The following MAGED1 variants were observed in gnomAD, a reference collection of about 807,000 sequenced individuals.
MAGED1 encodes the protein MAGE family member D1.
MAGED1 carries 3 observed loss-of-function variants against 54.1 expected under a neutral mutation model. That is an observed-to-expected ratio of 0.06 (90% CI 0.03 to 0.14). The LOEUF (loss-of-function observed/expected upper bound fraction) is 0.14. Ranked by LOEUF, MAGED1 falls within the 10% of genes least tolerant of loss-of-function variation. MAGED1 has a pLI of 1.00. For synonymous variants in MAGED1, 217 were observed against 227.3 expected, an observed-to-expected ratio of 0.95 and a Z score of 0.41; for missense variants, 485 against 623.4, an observed-to-expected ratio of 0.78 and a Z score of 2.36.
At chrX:51,849,972 G>A (rs189332893) in intron 1 of MAGED1, among the ~76,000 whole-genome samples, 5 of 110,202 alleles carry the variant, frequency 4.5e-5, no homozygotes, top group East Asian at 2.9e-4. Context: ...TTGCTCTGTC[G>A]CCCAGGCTGG....
At chrX:51,861,710 G>A (rs1434101950) in intron 1 of MAGED1, among the ~76,000 whole-genome samples, 3 of 111,588 alleles carry the variant, frequency 2.7e-5, no homozygotes, top group Non-Finnish European at 5.6e-5. Context: ...TTGAGGCAGA[G>A]TCTTGCCCTG....
chrX:51,827,587 T>C (rs1441261814), intron 1 of MAGED1, among the ~76,000 whole-genome samples: 1 of 112,003 alleles, frequency 8.9e-6, no homozygotes, highest in African/African-American at 3.2e-5. Context: ...ATAACAAATA[T>C]ACATACCCTT....
chrX:51,883,153 G>A lies in MAGED1; in HGVS notation c.-36-11116G>A, dbSNP rs782711165. 1.1e-4 allele frequency among the ~76,000 whole-genome samples: 12 copies of A among 111,112 alleles called. 1 individual carries two copies. In the South Asian group the frequency reaches 4.7e-3, roughly 43 times the overall value. ...AGAGTGGTAAGATGAATGGGGAGTG[G>A]GAACATTCTAGTCCCCTCAGTTAGT... On this transcript the variant is annotated intron_variant, in intron 1 of 12. Transcript: ENST00000375772.
At chrX:51,850,878 C>T (rs1437408862) in intron 1 of MAGED1, among the ~76,000 whole-genome samples, 1 of 110,248 alleles carries the variant, frequency 9.1e-6, no homozygotes, top group Non-Finnish European at 1.9e-5. Context: ...CCAGCCTGGG[C>T]GACAAGAGTG....
chrX:51,816,266 T>C (rs942191123), intron 1 of MAGED1, among the ~76,000 whole-genome samples: 12 of 110,308 alleles, frequency 1.1e-4, no homozygotes, highest in African/African-American at 3.6e-4. Flanking sequence ...AGATGCCTGC[T>C]ACCATGCCCG....
At chrX:51,816,404 C>T (rs782406213) in intron 1 of MAGED1, among the ~76,000 whole-genome samples, 35 of 111,545 alleles carry the variant, frequency 3.1e-4, no homozygotes, top group African/African-American at 1.0e-3. Context: ...CGTGAGCCAC[C>T]GCGCCTGGCC....
In MAGED1 at chrX:51,896,205, C is replaced by T. The variant is rs1190688381; in HGVS notation, c.754-204C>T. 2.7e-5 allele frequency: 12 copies of T among 436,671 alleles called. No individual in the cohort carries two copies. In the East Asian group the frequency reaches 4.1e-4, roughly 15 times the overall value. 36.0% of individuals were successfully genotyped at this position (436,671 alleles called of 1,213,427 possible). A position where few individuals can be genotyped will look rare whatever the true frequency, so the allele number is the denominator to read the frequency against. On this transcript the variant is annotated intron_variant, in intron 3 of 12. Coordinates refer to ENST00000326587, the MANE Select transcript of MAGED1 (RefSeq NM_006986.4). ...CATAGGAAGAGGAGAAGCCTCAGGC[C>T]CCATCTTTGGGTTGCTCCTGGCCTG...
At chrX:51,876,683 C>G (rs1163392181) in intron 1 of MAGED1, among the ~76,000 whole-genome samples, 2 of 111,588 alleles carry the variant, frequency 1.8e-5, no homozygotes, top group Non-Finnish European at 3.8e-5. Context: ...CTAGTATGCT[C>G]TCCCCATGTA....
intron 3 of MAGED1, among the ~76,000 whole-genome samples, 177 bp downstream of exon 3, chrX:51,895,937 A>C (rs782491285): frequency 2.6e-4 from 29 of 112,662 alleles, no homozygotes; most frequent in Middle Eastern, 4.2e-3. Context: ...GAGATAATAC[A>C]TGGACACAAA....
chrX:51,894,759 T>C, intron 2 of MAGED1: 1 of 1,152,584 alleles, frequency 8.7e-7, no homozygotes, highest in Non-Finnish European at 1.1e-6. Context: ...CGTCCTGAGC[T>C]GCTACTGCAC....
intron 1 of MAGED1, among the ~76,000 whole-genome samples, chrX:51,827,667 A>T (rs1925904000): frequency 9.0e-6 from 1 of 111,686 alleles, no homozygotes; most frequent in Non-Finnish European, 1.9e-5. Flanking sequence ...AGGAATCTCT[A>T]CCTTGGACTC....
At chrX:51,808,016 A>C in intron 1 of MAGED1, among the ~76,000 whole-genome samples, 1 of 111,937 alleles carries the variant, frequency 8.9e-6, no homozygotes, top group Admixed American at 9.5e-5. Flanking sequence ...GTCACCCTTA[A>C]ATATCTCAGC....
At chrX:51,865,427 C>A (rs1212153390) in intron 1 of MAGED1, among the ~76,000 whole-genome samples, 1 of 111,739 alleles carries the variant, frequency 8.9e-6, no homozygotes. Flanking sequence ...GGTACTCAAT[C>A]TTGTCTGGAA....
intron 1 of MAGED1, among the ~76,000 whole-genome samples, chrX:51,804,007 A>T (rs896288551): frequency 5.4e-5 from 6 of 111,412 alleles, no homozygotes; most frequent in African/African-American, 2.0e-4. Flanking sequence ...TTATTATGCA[A>T]TTTCTTTTCT....
intron 1 of MAGED1, among the ~76,000 whole-genome samples, chrX:51,804,982 G>A (rs909301408): frequency 2.7e-5 from 3 of 111,747 alleles, no homozygotes; most frequent in African/African-American, 9.8e-5. Context: ...TTAATTCAAC[G>A]CTCTGCATAC....
rs374458812 is a variant in MAGED1 at position 51,897,540 on chromosome X, C to T, written c.1487-7C>T. The T allele has an allele frequency of 3.4e-5, 41 of 1,194,543 alleles. No individual in the cohort carries two copies. The highest frequency in any genetic ancestry group is 4.4e-5 in the Non-Finnish European group (39 of 883,135). ...CGGCTCAGATGGCTCCCTCCTCTCT[C>T]CTACAGAAATGCTGAGAGATATCAT... On this transcript the variant is annotated splice_region_variant and splice_polypyrimidine_tract_variant and intron_variant, in intron 5 of 12. Transcript: ENST00000326587.
At chrX:51,817,433 C>G (rs1925476206) in intron 1 of MAGED1, among the ~76,000 whole-genome samples, 1 of 111,981 alleles carries the variant, frequency 8.9e-6, no homozygotes, top group Non-Finnish European at 1.9e-5. Flanking sequence ...ATTACTGACT[C>G]CATCCGGTCT....
intron 1 of MAGED1, among the ~76,000 whole-genome samples, chrX:51,830,462 T>C (rs1169920560): frequency 9.1e-6 from 1 of 110,399 alleles, no homozygotes; most frequent in Non-Finnish European, 1.9e-5. Flanking sequence ...CAATTGTTAA[T>C]TCTGGGTGGA....
intron 1 of MAGED1, among the ~76,000 whole-genome samples, chrX:51,885,516 A>G (rs1476758890): frequency 9.0e-6 from 1 of 111,252 alleles, no homozygotes; most frequent in African/African-American, 3.3e-5. Flanking sequence ...ATAGTTTGCA[A>G]ATATTTTCTC....
Sources: allele counts gnomAD v4.1 joint callset (sites outside exome capture counted in the v4.1 genomes callset), GRCh38; gene constraint gnomAD v4.1.1; transcripts MANE v1.5; gene names NCBI Gene and HGNC (gene_info 2026-07-23, HGNC 2026-07-21).